Variants in DDX60L observed in about 807,000 individuals in gnomAD.
DDX60L encodes probable ATP-dependent RNA helicase DDX60-like.
Under a neutral mutation model 211.6 loss-of-function variants are expected in DDX60L, and 191 were observed. That is an observed-to-expected ratio of 0.90 (90% CI 0.80 to 1.02). The LOEUF is 1.02. Among genes scored for constraint, DDX60L ranks in the 50% least tolerant of loss-of-function variants. The pLI, the probability that DDX60L is intolerant of heterozygous loss-of-function variation, is 0.00. For missense variants in DDX60L, 2,007 were observed against 1,984.1 expected, an observed-to-expected ratio of 1.01 and a Z score of -0.22; for synonymous variants, 706 against 694.1, an observed-to-expected ratio of 1.02 and a Z score of -0.27.
In DDX60L at chr4:168,432,475, C is replaced by T; in HGVS notation, c.1496G>A (p.Arg499Lys). ...CTCACCATCAACATGACATTTGATCCTGTCATAGTCGTCACTAAGGAGTCT... is the reference window on the plus strand; with the variant it reads ...CTCACCATCAACATGACATTTGATCTTGTCATAGTCGTCACTAAGGAGTCT... ...AQRLLSDDYD[R>K]IKCHVDEQSR... is the part of the protein sequence containing the mutation. The change falls in exon 12 of 38, where the codon AGG (arginine) becomes AAG (lysine). Residue 499 changes from arginine to lysine, a missense_variant. Physicochemically the swap from Arg to Lys is conservative, Grantham distance 26. Transcript: ENST00000682922. 6.4e-7 allele frequency: 1 copy of T among 1,568,432 alleles called. No individual in the cohort carries two copies. Among genetic ancestry groups the T allele is most frequent in the South Asian group, 1.2e-5 (1 of 83,882 alleles).
At chr4:168,394,428 A>G in intron 28 of DDX60L, 37 bp downstream of exon 28, 1 of 1,540,702 alleles carries the variant, frequency 6.5e-7, no homozygotes, top group Non-Finnish European at 8.8e-7. Context: ...CATAATATGC[A>G]CAACTTTATT....
In DDX60L at chr4:168,472,729, A is replaced by G. The variant is rs1758968766; in HGVS notation, c.-30T>C. On this transcript the variant is annotated 5_prime_UTR_variant, in exon 2 of 38. Coordinates refer to ENST00000682922, the MANE Select transcript of DDX60L (RefSeq NM_001012967.3). ...GCTGCTTCTTGGGCTACAGGGTAGA[A>G]GAGTAGAGCTGGAATTTATTAAATA... 1 of 1,610,272 alleles carries G rather than the reference A, an allele frequency of 6.2e-7. No individual in the cohort carries two copies. Among genetic ancestry groups the G allele is most frequent in the Non-Finnish European group, 8.5e-7 (1 of 1,178,774 alleles).
At position 168,395,940 on chromosome 4, in the gene DDX60L, T is replaced by C. The variant is rs961400740; in HGVS notation, c.3657+19A>G. The C allele has an allele frequency of 3.3e-6, 5 of 1,523,308 alleles. No individual in the cohort carries two copies. The highest frequency in any genetic ancestry group is 4.5e-6 in the Non-Finnish European group (5 of 1,109,576). The allele number at this position is 1,523,308 out of a possible 1,614,324, so 94.4% of individuals were successfully genotyped here. The stretch of plus-strand genomic sequence containing the variant: ...ATGTCACAACTGTAACGTATTATAT[T>C]AATAATTCTCTGACGTACTGAGTCT... On this transcript the variant is annotated intron_variant, in intron 27 of 37. Coordinates refer to ENST00000682922, the MANE Select transcript of DDX60L (RefSeq NM_001012967.3).
At chr4:168,470,029 G>A (rs1758537717) in intron 4 of DDX60L, 1 of 152,176 alleles carries the variant, frequency 6.6e-6, no homozygotes, top group African/African-American at 2.4e-5. Flanking sequence ...ACGAGCAGAT[G>A]CTTCACAAGT....
At chr4:168,395,360 G>A (rs1044231523) in intron 27 of DDX60L, among the ~76,000 whole-genome samples, 4 of 152,096 alleles carry the variant, frequency 2.6e-5, no homozygotes, top group South Asian at 2.1e-4. Flanking sequence ...TTTTATTAAC[G>A]AATAAATACA....
chr4:168,390,857 C>T (rs1483768806), intron 29 of DDX60L, among the ~76,000 whole-genome samples: 1 of 151,946 alleles, frequency 6.6e-6, no homozygotes, highest in Non-Finnish European at 1.5e-5. Context: ...TTTCCTCCCT[C>T]GCCTTATAAT....
rs543289709 is a variant in DDX60L, at chr4:168,400,879, A to G, written c.3438T>C (p.Tyr1146=). 21 of 1,613,750 alleles carry G rather than the reference A, an allele frequency of 1.3e-5. No homozygotes were observed. In the African/African-American group the frequency reaches 1.9e-4, roughly 14 times the overall value. The change falls in exon 26 of 38, where the codon TAT becomes TAC. Residue 1146 remains tyrosine, a synonymous_variant. Coordinates refer to ENST00000682922, the MANE Select transcript of DDX60L (RefSeq NM_001012967.3). ...KSHPHTECHS[Y]VFAIDEVLEK... Reference sequence around the variant, plus strand: ...CAAGTACTTCATCTATTGCAAAGACATAACTATGACATTCAGTGTGGGGAT... The same window carrying G: ...CAAGTACTTCATCTATTGCAAAGACGTAACTATGACATTCAGTGTGGGGAT...
At position 168,357,388 on chromosome 4, in the gene DDX60L, C is replaced by A; in HGVS notation, c.*759G>T. Reference sequence around the variant, plus strand: ...ATGGCTAAACAACAAACATGTATTTCTCACAATCCTGGAGGCTGGAAAGTT... The same window carrying A: ...ATGGCTAAACAACAAACATGTATTTATCACAATCCTGGAGGCTGGAAAGTT... On this transcript the variant is annotated 3_prime_UTR_variant, in exon 38 of 38. Coordinates refer to ENST00000682922, the MANE Select transcript of DDX60L (RefSeq NM_001012967.3). 6.6e-6 allele frequency: 1 copy of A among 152,324 alleles called. No individual in the cohort carries two copies. Among genetic ancestry groups the A allele is most frequent in the Non-Finnish European group, 1.5e-5 (1 of 68,062 alleles). 9.4% of individuals were successfully genotyped at this position (152,324 alleles called of 1,614,324 possible).
chr4:168,447,047 A>G (rs1314936653), intron 9 of DDX60L, among the ~76,000 whole-genome samples: 10 of 121,012 alleles, frequency 8.3e-5, no homozygotes, highest in East Asian at 7.3e-4. Flanking sequence ...TAATTAAACT[A>G]AAGAGCTTCT....
At chr4:168,460,118 A>G (rs932339170) in intron 5 of DDX60L, among the ~76,000 whole-genome samples, 2 of 152,230 alleles carry the variant, frequency 1.3e-5, no homozygotes, top group Non-Finnish European at 2.9e-5. Context: ...ATTACATTGA[A>G]AGATTATTTT....
chr4:168,362,773 A>T (rs528742417), intron 36 of DDX60L, among the ~76,000 whole-genome samples: 1 of 152,372 alleles, frequency 6.6e-6, no homozygotes, highest in Non-Finnish European at 1.5e-5. Context: ...ATAACCAGTC[A>T]AAGAGGGAAA....
intron 26 of DDX60L, among the ~76,000 whole-genome samples, chr4:168,398,382 ATT>A (rs1334491880): frequency 1.3e-5 from 2 of 152,212 alleles, no homozygotes; most frequent in African/African-American, 4.8e-5. Context: ...GTTTCCAGAC[ATT>A]GAGTGCCAGT....
Position 168,471,765 on chromosome 4 carries a change from G to A in DDX60L, c.246C>T (p.Phe82=). ...ATATTACCTTAAAGAAAACTATGGT[G>A]AATTGTCCTCCGTTACTCAGAAGAT... ...LVDLLSNGGQ[F]TIVFFKDAEY... is the part of the protein sequence containing the mutation. Residue 82 remains phenylalanine (F), a synonymous_variant, in exon 4 of 38, where the codon TTC becomes TTT. Coordinates refer to ENST00000682922, the MANE Select transcript of DDX60L (RefSeq NM_001012967.3). 1 of 1,597,738 alleles carries A rather than the reference G, an allele frequency of 6.3e-7. No individual in the cohort carries two copies.
At chr4:168,396,560 T>C (rs575253455) in intron 26 of DDX60L, among the ~76,000 whole-genome samples, 2 of 152,096 alleles carry the variant, frequency 1.3e-5, no homozygotes, top group South Asian at 2.1e-4. Flanking sequence ...AATTTAAATA[T>C]CCATGCTGAC....
rs1758979512 is a variant in DDX60L, at chr4:168,472,809, T to G, written c.-110A>C. 5 of 1,179,474 alleles carry G rather than the reference T, an allele frequency of 4.2e-6. No homozygotes were observed. The South Asian group carries it at 5.5e-5, about 13-fold the overall frequency. 73.1% of individuals were successfully genotyped at this position (1,179,474 alleles called of 1,614,324 possible). On this transcript the variant is annotated splice_region_variant and 5_prime_UTR_variant, in exon 2 of 38. Coordinates refer to ENST00000682922, the MANE Select transcript of DDX60L (RefSeq NM_001012967.3). Reference sequence around the variant, plus strand: ...GGCTACATTTGATGTGAATGGCACCTCTGTAATAAAAGAAAAAATAGAACT... The same window carrying G: ...GGCTACATTTGATGTGAATGGCACCGCTGTAATAAAAGAAAAAATAGAACT...
chr4:168,470,585 G>C (rs1758623718), intron 4 of DDX60L: 1 of 152,634 alleles, frequency 6.6e-6, no homozygotes, highest in Non-Finnish European at 1.5e-5. Flanking sequence ...TTTATTAAAA[G>C]TTCTAGAACT....
intron 1 of DDX60L, 105 bp from the exon 2 acceptor site, chr4:168,472,914 C>A (rs1196174584): frequency 3.6e-6 from 2 of 551,444 alleles, no homozygotes; most frequent in South Asian, 2.5e-5. Context: ...AGTAAATAAG[C>A]AAAGATTGAT....
intron 14 of DDX60L, among the ~76,000 whole-genome samples, chr4:168,425,987 G>A (rs1454740643): frequency 1.3e-5 from 2 of 152,166 alleles, no homozygotes; most frequent in Non-Finnish European, 2.9e-5. Context: ...TGATACAGGA[G>A]AGCACAGGGA....
In DDX60L at chr4:168,421,755, A is replaced by G. The variant is rs1178112517; in HGVS notation, c.2394+5T>C. 6.2e-7 allele frequency: 1 copy of G among 1,613,870 alleles called. No individual in the cohort carries two copies. Among genetic ancestry groups the G allele is most frequent in the Non-Finnish European group, 8.5e-7 (1 of 1,179,872 alleles). On this transcript the variant is annotated splice_donor_5th_base_variant and intron_variant, in intron 17 of 37. Coordinates refer to ENST00000682922, the MANE Select transcript of DDX60L (RefSeq NM_001012967.3). ...AAGCAAAAATGAAAGTCATTCAAAC[A>G]CTACCTTTGCGGGTGCAACGTACAC...
Sources: gnomAD v4.1 joint callset for allele counts (sites outside exome capture counted in the v4.1 genomes callset) on GRCh38, gnomAD v4.1.1 for gene constraint, MANE v1.5 for transcripts, NCBI Gene and HGNC (gene_info 2026-07-23, HGNC 2026-07-21) for gene names.